CPS1: variants seen among roughly 807,000 people sequenced by gnomAD.
CPS1 encodes carbamoyl-phosphate synthase 1, also known as carbamoyl-phosphate synthase [ammonia], mitochondrial.
In CPS1, 109 loss-of-function variants were observed where a neutral mutation model predicts 174.6. The observed-to-expected ratio is 0.62, with a 90% CI of 0.53 to 0.73. The LOEUF is 0.73. Among genes scored for constraint, CPS1 ranks in the 30% least tolerant of loss-of-function variants. CPS1 has a pLI of 0.00. For missense variants in CPS1, 1,689 were observed against 1,821.9 expected (o/e 0.93, Z 1.33); for synonymous variants, 637 against 632.0 (o/e 1.01, Z -0.12).
In CPS1 at chr2:210,637,951, G is replaced by A. The variant is rs577550695; in HGVS notation, c.2829+108G>A. ...TTAATAAAAAGAGGAGTGGAATTAAGAAGTGACAATACTCATCCGGTTGAT... is the reference window on the plus strand; with the variant it reads ...TTAATAAAAAGAGGAGTGGAATTAAAAAGTGACAATACTCATCCGGTTGAT... On this transcript the variant is annotated intron_variant, in intron 22 of 37. Coordinates refer to ENST00000233072, the MANE Select transcript of CPS1 (RefSeq NM_001875.5). The A allele has an allele frequency of 8.3e-5, 104 of 1,259,238 alleles. No homozygotes were observed. In the East Asian group the frequency reaches 2.4e-3, roughly 29 times the overall value. 78.0% of individuals were successfully genotyped at this position (1,259,238 alleles called of 1,614,324 possible). A position where few individuals can be genotyped will look rare whatever the true frequency, so the allele number is the denominator to read the frequency against.
intron 1 of CPS1, among the ~76,000 whole-genome samples, chr2:210,499,131 G>A (rs189295090): frequency 1.4e-4 from 21 of 152,188 alleles, no homozygotes; most frequent in Admixed American, 3.9e-4. Flanking sequence ...ATCTGCCTGG[G>A]CATGAAGCAG....
chr2:210,625,459 T>C (rs1574609802), intron 21 of CPS1, among the ~76,000 whole-genome samples: 1 of 152,188 alleles, frequency 6.6e-6, no homozygotes, highest in African/African-American at 2.4e-5. Context: ...AGTCTCGATG[T>C]ACAGTTTTTA....
intron 25 of CPS1, 57 bp downstream of exon 25, chr2:210,642,722 A>G: frequency 1.4e-6 from 2 of 1,464,752 alleles, no homozygotes; most frequent in Non-Finnish European, 1.9e-6. Flanking sequence ...TGTAGTATAC[A>G]CTTTATATAT....
intron 1 of CPS1, among the ~76,000 whole-genome samples, chr2:210,509,717 G>A (rs1212899621): frequency 6.6e-6 from 1 of 152,104 alleles, no homozygotes; most frequent in East Asian, 1.9e-4. Flanking sequence ...AAAATCACAA[G>A]CATTCTTATA....
chr2:210,526,359 T>G (rs1004784754), intron 1 of CPS1, among the ~76,000 whole-genome samples: 1 of 148,828 alleles, frequency 6.7e-6, no homozygotes, highest in Non-Finnish European at 1.5e-5. Context: ...TCTGTACATG[T>G]ATCCCAGACC....
intron 1 of CPS1, among the ~76,000 whole-genome samples, chr2:210,525,728 C>A (rs1224033998): frequency 6.6e-6 from 1 of 151,064 alleles, no homozygotes; most frequent in African/African-American, 2.4e-5. Context: ...GATAGCTGGG[C>A]TGAGCCTTAG....
intron 22 of CPS1, 74 bp downstream of exon 22, chr2:210,637,917 A>C: frequency 6.6e-7 from 1 of 1,520,132 alleles, no homozygotes; most frequent in African/African-American, 1.4e-5. Flanking sequence ...CCCATTCAAA[A>C]GGCCATTGTT....
chr2:210,660,409 G>C, intron 31 of CPS1, 76 bp from the exon 32 acceptor site: 1 of 1,417,742 alleles, frequency 7.1e-7, no homozygotes, highest in Non-Finnish European at 1.0e-6. Context: ...CTGGAAACCA[G>C]TGGTAGAGAG....
chr2:210,506,688 T>G (rs1695297410), intron 1 of CPS1, among the ~76,000 whole-genome samples: 1 of 152,180 alleles, frequency 6.6e-6, no homozygotes, highest in Non-Finnish European at 1.5e-5. Context: ...TTAAAGGACC[T>G]GATGGAGCTG....
At position 210,576,449 on chromosome 2, in the gene CPS1, G is replaced by T; in HGVS notation, c.340G>T (p.Glu114Ter). 6.2e-7 allele frequency: 1 copy of T among 1,613,712 alleles called. No individual in the cohort carries two copies. Among genetic ancestry groups the T allele is most frequent in the Non-Finnish European group, 8.5e-7 (1 of 1,179,704 alleles). The change falls in exon 3 of 38, where the codon GAA becomes TAA. Residue 114 changes from glutamate (E) to a stop codon, truncating the protein, a stop_gained. Coordinates refer to ENST00000233072, the MANE Select transcript of CPS1 (RefSeq NM_001875.5). LOFTEE classifies it high-confidence loss of function. ...AGCTCCTGATACTACTGCTCTGGAT[G>T]AACTGGGACTTAGCAAATATTTGGA... Reference protein sequence around the residue: ...GGAPDTTALDELGLSKYLESN... With the variant: ...GGAPDTTALD
intron 21 of CPS1, among the ~76,000 whole-genome samples, chr2:210,623,158 A>G (rs1025979590): frequency 3.3e-5 from 5 of 152,172 alleles, no homozygotes; most frequent in East Asian, 1.9e-4. Context: ...TTTTCCTTCA[A>G]TGGTCCATTT....
intron 1 of CPS1, among the ~76,000 whole-genome samples, chr2:210,534,470 A>G (rs1241041785): frequency 1.3e-5 from 2 of 152,210 alleles, no homozygotes; most frequent in African/African-American, 4.8e-5. Flanking sequence ...GTGCATTTCT[A>G]GGATTGTCCC....
Position 210,637,730 on chromosome 2 carries a change from AG to A in CPS1, c.2719del (p.Ala907GlnfsTer25), listed in dbSNP as rs775643969. On this transcript the variant is annotated frameshift_variant, in exon 22 of 38. Transcript: ENST00000233072. LOFTEE classifies it high-confidence loss of function. The part of the protein sequence containing the change: ...SESMTEETLK[R>X]AKEIGFSDKQ... ...GTCCATGACAGAAGAAACCCTGAAA[AG>A]GGCAAAGGAGATTGGGTTCTCAGAT... 15 of 1,613,874 alleles carry A rather than the reference AG, an allele frequency of 9.3e-6. No homozygotes were observed.
chr2:210,603,730 A>T (rs920476718), intron 16 of CPS1, among the ~76,000 whole-genome samples: 1 of 151,858 alleles, frequency 6.6e-6, no homozygotes, highest in Non-Finnish European at 1.5e-5. Context: ...GTACTCAAAT[A>T]ATCAATAGTC....
At chr2:210,501,220 G>A (rs564633088) in intron 1 of CPS1, among the ~76,000 whole-genome samples, 1 of 152,250 alleles carries the variant, frequency 6.6e-6, no homozygotes, top group East Asian at 1.9e-4. Context: ...CCTATAATGG[G>A]AGGGGCTGCC....
intron 25 of CPS1, among the ~76,000 whole-genome samples, chr2:210,645,402 C>T (rs1422064098): frequency 6.6e-6 from 1 of 152,072 alleles, no homozygotes; most frequent in East Asian, 1.9e-4. Context: ...TGAAATGAGC[C>T]AGAAAAGTAG....
At chr2:210,542,905 C>T (rs1199349297) in intron 1 of CPS1, among the ~76,000 whole-genome samples, 2 of 152,082 alleles carry the variant, frequency 1.3e-5, no homozygotes, top group Non-Finnish European at 1.5e-5. Context: ...TACATGGTTT[C>T]AAGTATATTC....
chr2:210,676,170 G>A (rs1010218165), intron 36 of CPS1, among the ~76,000 whole-genome samples: 24 of 152,272 alleles, frequency 1.6e-4, no homozygotes, highest in African/African-American at 5.3e-4. Flanking sequence ...AGTATAAGAT[G>A]ACCAGCTATA....
chr2:210,482,847 G>T (rs753517326), intron 1 of CPS1, among the ~76,000 whole-genome samples: 1 of 152,112 alleles, frequency 6.6e-6, no homozygotes, highest in Non-Finnish European at 1.5e-5. Context: ...TTTCACTGCA[G>T]CCTAACCCAA....
Sources: allele counts gnomAD v4.1 joint callset (sites outside exome capture counted in the v4.1 genomes callset), GRCh38; gene constraint gnomAD v4.1.1; transcripts MANE v1.5; gene names NCBI Gene and HGNC (gene_info 2026-07-23, HGNC 2026-07-21).